The following NAALADL2 variants were observed in gnomAD, a reference collection of about 807,000 sequenced individuals.
NAALADL2 encodes the protein N-acetylated alpha-linked acidic dipeptidase like 2.
A neutral mutation model predicts 87.2 loss-of-function variants in NAALADL2; 76 were observed. That is an observed-to-expected ratio of 0.87 (90% CI 0.72 to 1.05). The LOEUF is 1.05. Ranked by LOEUF, NAALADL2 falls within the 50% of genes least tolerant of loss-of-function variation. The probability of loss-of-function intolerance (pLI) is 0.00; values close to 1 mark genes in which losing one functional copy is unlikely to be tolerated. For missense variants in NAALADL2, 1,089 were observed against 945.8 expected (o/e 1.15, Z -1.99); for synonymous variants, 354 against 331.0 (o/e 1.07, Z -0.75).
intron 5 of NAALADL2, among the ~76,000 whole-genome samples, chr3:175,373,504 G>A (rs2216511): frequency 0.25 from 37,349 of 151,858 alleles, 5,164 homozygotes; most frequent in East Asian, 0.49. Context: ...TAATTTGTTC[G>A]TGATTATTGC....
At chr3:175,657,883 A>G (rs1482666132) in intron 11 of NAALADL2, among the ~76,000 whole-genome samples, 1 of 151,844 alleles carries the variant, frequency 6.6e-6, no homozygotes, top group Non-Finnish European at 1.5e-5. Flanking sequence ...GCCTCATTTT[A>G]CTGGTTTTAA....
chr3:175,747,274 GATC>G (rs1746049964), intron 12 of NAALADL2, among the ~76,000 whole-genome samples: 1 of 152,216 alleles, frequency 6.6e-6, no homozygotes, highest in African/African-American at 2.4e-5. Context: ...TTCCCATTGT[GATC>G]ATCATTTCCT....
At chr3:175,039,957 T>A (rs1753868687) in intron 1 of NAALADL2, among the ~76,000 whole-genome samples, 1 of 152,132 alleles carries the variant, frequency 6.6e-6, no homozygotes, top group Non-Finnish European at 1.5e-5. Context: ...TTATACTCAG[T>A]TTTTAGCTTT....
chr3:175,608,645 T>C lies in NAALADL2; in HGVS notation c.1801-18646T>C, dbSNP rs548371032. 6.5e-4 allele frequency among the ~76,000 whole-genome samples: 99 copies of C among 152,138 alleles called. 1 individual carries two copies. Among genetic ancestry groups the C allele is most frequent in the African/African-American group, 2.2e-3 (93 of 41,536 alleles). The stretch of plus-strand genomic sequence containing the variant: ...TGTTATAACGATCGTGTAGGAGTTA[T>C]GAAATTTGGGAAACAATGAGTCTTT... On this transcript the variant is annotated intron_variant, in intron 10 of 13. Transcript: ENST00000454872.
At chr3:175,388,811 C>A (rs1768733665) in intron 5 of NAALADL2, among the ~76,000 whole-genome samples, 1 of 152,114 alleles carries the variant, frequency 6.6e-6, no homozygotes, top group African/African-American at 2.4e-5. Context: ...GACTCCACCT[C>A]TAACTGTCAG....
intron 9 of NAALADL2, among the ~76,000 whole-genome samples, chr3:175,509,626 GACTA>G (rs1440977236): frequency 2.0e-5 from 3 of 152,218 alleles, no homozygotes; most frequent in South Asian, 4.1e-4. Flanking sequence ...TTGTGTCATA[GACTA>G]ACTACTTAAA....
intron 9 of NAALADL2, among the ~76,000 whole-genome samples, chr3:175,502,500 C>T (rs1357718232): frequency 6.6e-6 from 1 of 152,118 alleles, no homozygotes; most frequent in East Asian, 1.9e-4. Flanking sequence ...GAAACATTGG[C>T]TCTTCTTGCT....
At chr3:175,385,630 A>T (rs1315883467) in intron 5 of NAALADL2, among the ~76,000 whole-genome samples, 1 of 152,134 alleles carries the variant, frequency 6.6e-6, no homozygotes, top group Non-Finnish European at 1.5e-5. Context: ...AGAATAATTC[A>T]AATATCTCTA....
At chr3:175,391,063 G>A (rs113590686) in intron 5 of NAALADL2, among the ~76,000 whole-genome samples, 3,085 of 152,238 alleles carry the variant, frequency 0.02, 104 homozygotes, top group African/African-American at 0.071. Flanking sequence ...GACTTACAGT[G>A]TGTAGTAGAG....
intron 9 of NAALADL2, among the ~76,000 whole-genome samples, chr3:175,530,144 T>C (rs1733909373): frequency 6.6e-6 from 1 of 152,072 alleles, no homozygotes; most frequent in Non-Finnish European, 1.5e-5. Context: ...ATGACAGGGG[T>C]GGCTGGGGAA....
intron 2 of NAALADL2, among the ~76,000 whole-genome samples, chr3:174,716,547 C>T (rs1731208156): frequency 6.6e-6 from 1 of 151,630 alleles, no homozygotes; most frequent in Non-Finnish European, 1.5e-5. Context: ...AATTTAGGTG[C>T]CTGTATTTTT....
At chr3:174,797,586 A>G (rs756778121) in intron 3 of NAALADL2, among the ~76,000 whole-genome samples, 5 of 152,032 alleles carry the variant, frequency 3.3e-5, no homozygotes, top group African/African-American at 4.8e-5. Context: ...TATCTCTGCT[A>G]TTATAACCTG....
chr3:174,556,044 A>G (rs1712775698), intron 2 of NAALADL2, among the ~76,000 whole-genome samples: 1 of 151,736 alleles, frequency 6.6e-6, no homozygotes, highest in African/African-American at 2.4e-5. Flanking sequence ...AGTACTATCT[A>G]TAATGGTTAG....
At chr3:174,606,340 G>A (rs921819990) in intron 2 of NAALADL2, among the ~76,000 whole-genome samples, 7 of 152,222 alleles carry the variant, frequency 4.6e-5, no homozygotes, top group African/African-American at 1.4e-4. Context: ...GACGAGTTGA[G>A]AGAAGAAGGC....
chr3:175,152,628 A>G (rs1276354501), intron 2 of NAALADL2, among the ~76,000 whole-genome samples: 2 of 152,188 alleles, frequency 1.3e-5, no homozygotes, highest in African/African-American at 4.8e-5. Context: ...TGTATTGTCT[A>G]GGAGCAGTGG....
chr3:174,996,737 C>T (rs984880186), intron 1 of NAALADL2, among the ~76,000 whole-genome samples: 7 of 152,046 alleles, frequency 4.6e-5, no homozygotes, highest in Non-Finnish European at 8.8e-5. Context: ...GCACCAGTCA[C>T]CCAAGAAGTG....
chr3:175,580,387 T>C (rs1719581365), intron 10 of NAALADL2, among the ~76,000 whole-genome samples: 1 of 152,168 alleles, frequency 6.6e-6, no homozygotes, highest in Non-Finnish European at 1.5e-5. Flanking sequence ...ATAGTTTACC[T>C]GCTGATTTTT....
chr3:174,601,689 C>T (rs1016094916), intron 2 of NAALADL2, among the ~76,000 whole-genome samples: 3 of 152,022 alleles, frequency 2.0e-5, no homozygotes, highest in Non-Finnish European at 2.9e-5. Flanking sequence ...GTTTCCTGTG[C>T]CTGTGGGGTA....
intron 2 of NAALADL2, among the ~76,000 whole-genome samples, chr3:174,716,552 A>G: frequency 6.6e-6 from 1 of 151,918 alleles, no homozygotes; most frequent in East Asian, 1.9e-4. Flanking sequence ...AGGTGCCTGT[A>G]TTTTTTATTG....
Sources: gnomAD v4.1 joint callset for allele counts (sites outside exome capture counted in the v4.1 genomes callset) on GRCh38, gnomAD v4.1.1 for gene constraint, MANE v1.5 for transcripts, NCBI Gene and HGNC (gene_info 2026-07-23, HGNC 2026-07-21) for gene names.